PCSK5: variants seen among roughly 807,000 people sequenced by gnomAD.
The protein encoded by PCSK5 is proprotein convertase subtilisin/kexin type 5, also known as prohormone convertase 5.
A neutral mutation model predicts 233.2 loss-of-function variants in PCSK5; 129 were observed. That is an observed-to-expected ratio of 0.55 (90% CI 0.48 to 0.64). The LOEUF (loss-of-function observed/expected upper bound fraction) is 0.64. Among genes scored for constraint, PCSK5 ranks in the 30% least tolerant of loss-of-function variants. The pLI, the probability that PCSK5 is intolerant of heterozygous loss-of-function variation, is 0.00. For missense variants in PCSK5, 2,076 were observed against 2,430.1 expected (o/e 0.85, Z 3.06); for synonymous variants, 825 against 879.2 (o/e 0.94, Z 1.09).
chr9:76,318,811 T>C (rs1422320055), intron 30 of PCSK5, among the ~76,000 whole-genome samples: 2 of 152,252 alleles, frequency 1.3e-5, no homozygotes, highest in African/African-American at 4.8e-5. Context: ...GAAATTTTTA[T>C]TGTTTATTAA....
chr9:75,996,520 G>A (rs1587475438), intron 3 of PCSK5, among the ~76,000 whole-genome samples: 2 of 152,184 alleles, frequency 1.3e-5, no homozygotes, highest in African/African-American at 4.8e-5. Context: ...TGTCCCACAT[G>A]ATGGTTGTGA....
chr9:76,253,858 T>C (rs1012173165), intron 24 of PCSK5, among the ~76,000 whole-genome samples: 3 of 152,230 alleles, frequency 2.0e-5, no homozygotes, highest in African/African-American at 7.2e-5. Flanking sequence ...CTTTGCTCCC[T>C]GTCTTCACAA....
At chr9:76,128,708 A>G (rs532590313) in intron 9 of PCSK5, among the ~76,000 whole-genome samples, 1 of 152,306 alleles carries the variant, frequency 6.6e-6, no homozygotes, top group Non-Finnish European at 1.5e-5. Flanking sequence ...AGGGGATTAG[A>G]ATATTTTCAC....
intron 20 of PCSK5, chr9:76,194,633 G>T: frequency 8.4e-6 from 3 of 357,190 alleles, no homozygotes; most frequent in South Asian, 2.2e-5. Context: ...ATTTTCACTG[G>T]TTTTCTGTGA....
At chr9:76,055,917 T>C (rs1242016900) in intron 5 of PCSK5, among the ~76,000 whole-genome samples, 1 of 152,216 alleles carries the variant, frequency 6.6e-6, no homozygotes, top group Non-Finnish European at 1.5e-5. Context: ...GGTAATATGA[T>C]GATGCATAAC....
chr9:76,213,281 G>T (rs530782461), intron 20 of PCSK5, among the ~76,000 whole-genome samples: 2 of 152,328 alleles, frequency 1.3e-5, no homozygotes, highest in African/African-American at 4.8e-5. Flanking sequence ...AGATATTTCA[G>T]ATAGTTGAAG....
At chr9:76,127,288 G>A (rs1001671574) in intron 9 of PCSK5, among the ~76,000 whole-genome samples, 2 of 152,142 alleles carry the variant, frequency 1.3e-5, no homozygotes, top group Non-Finnish European at 2.9e-5. Context: ...ATTTGGCTAG[G>A]CAAATAAGTA....
chr9:76,078,089 A>G (rs899703090), intron 7 of PCSK5, among the ~76,000 whole-genome samples: 4 of 152,166 alleles, frequency 2.6e-5, no homozygotes, highest in Admixed American at 2.6e-4. Flanking sequence ...TATGTCCTCT[A>G]TTGAGAAGCG....
intron 1 of PCSK5, among the ~76,000 whole-genome samples, chr9:75,919,686 C>A (rs910875740): frequency 1.3e-5 from 2 of 152,192 alleles, no homozygotes; most frequent in Non-Finnish European, 2.9e-5. Context: ...TAGCTGCCAA[C>A]AGTGGCTGAA....
At chr9:75,960,362 T>C (rs916750889) in intron 2 of PCSK5, among the ~76,000 whole-genome samples, 7 of 152,134 alleles carry the variant, frequency 4.6e-5, no homozygotes, top group Non-Finnish European at 8.8e-5. Flanking sequence ...GGCAGCTCAA[T>C]AGTGTAGACT....
chr9:76,297,284 G>A (rs1828469320), intron 27 of PCSK5, among the ~76,000 whole-genome samples: 1 of 152,148 alleles, frequency 6.6e-6, no homozygotes, highest in Admixed American at 6.5e-5. Context: ...TTACCTGTAG[G>A]GTAGGCTTTT....
intron 24 of PCSK5, among the ~76,000 whole-genome samples, chr9:76,288,714 C>T (rs1048430727): frequency 6.6e-6 from 1 of 152,188 alleles, no homozygotes; most frequent in African/African-American, 2.4e-5. Flanking sequence ...GGCCAGGACC[C>T]TTTCACAGTC....
intron 5 of PCSK5, among the ~76,000 whole-genome samples, chr9:76,042,476 G>A (rs547276596): frequency 7.2e-5 from 11 of 152,212 alleles, no homozygotes; most frequent in African/African-American, 2.4e-4. Flanking sequence ...CATGGTGAAC[G>A]AAATCCCATT....
intron 20 of PCSK5, among the ~76,000 whole-genome samples, chr9:76,190,883 A>G (rs1824342469): frequency 6.6e-6 from 1 of 152,230 alleles, no homozygotes; most frequent in Admixed American, 6.5e-5. Context: ...GCCCATGATC[A>G]TAGGTTTAAC....
At chr9:76,193,513 G>A in intron 20 of PCSK5, 1 of 562,516 alleles carries the variant, frequency 1.8e-6, no homozygotes, top group Non-Finnish European at 3.0e-6. Flanking sequence ...GCAGGGAGAT[G>A]GTGAACTGTT....
At chr9:76,169,228 G>T (rs980128180) in intron 12 of PCSK5, among the ~76,000 whole-genome samples, 2 of 152,160 alleles carry the variant, frequency 1.3e-5, no homozygotes, top group African/African-American at 4.8e-5. Flanking sequence ...GAAGTTTTTC[G>T]TGTGAACATA....
intron 5 of PCSK5, among the ~76,000 whole-genome samples, chr9:76,041,308 A>C (rs1432732199): frequency 1.3e-5 from 2 of 152,170 alleles, no homozygotes; most frequent in African/African-American, 4.8e-5. Flanking sequence ...ATTTCACCTG[A>C]GTCTTGGAAA....
rs530165488 is a variant in PCSK5, at chr9:76,134,097, G to A, written c.1209-12G>A. The A allele has an allele frequency of 2.1e-6, 3 of 1,441,872 alleles. No individual in the cohort carries two copies. The highest frequency in any genetic ancestry group is 1.5e-5 in the African/African-American group (1 of 67,182). The allele number at this position is 1,441,872 out of a possible 1,614,324, so 89.3% of individuals were successfully genotyped here. A position where few individuals can be genotyped will look rare whatever the true frequency, so the allele number is the denominator to read the frequency against. ...TTTTTGGTACAATGATTCTTACCTT[G>A]TCTTTCCCCAGTCCGTTTCTGACCT... On this transcript the variant is annotated splice_polypyrimidine_tract_variant and intron_variant, in intron 9 of 37. Coordinates refer to ENST00000674117, the MANE Select transcript of PCSK5 (RefSeq NM_001372043.1).
At chr9:76,158,160 T>A (rs529070389) in intron 11 of PCSK5, among the ~76,000 whole-genome samples, 3 of 151,770 alleles carry the variant, frequency 2.0e-5, no homozygotes, top group Admixed American at 6.6e-5. Context: ...CCAAAAAAAA[T>A]AATAAGTATA....
Sources: allele counts gnomAD v4.1 joint callset (sites outside exome capture counted in the v4.1 genomes callset), GRCh38; gene constraint gnomAD v4.1.1; transcripts MANE v1.5; gene names NCBI Gene and HGNC (gene_info 2026-07-23, HGNC 2026-07-21).